Variants in NELL2 observed in about 807,000 individuals in gnomAD.
The protein encoded by NELL2 is protein kinase C-binding protein NELL2.
Under a neutral mutation model 109.6 loss-of-function variants are expected in NELL2, and 41 were observed. The observed-to-expected ratio is 0.37, with a 90% CI of 0.29 to 0.49. NELL2 has a LOEUF of 0.49. NELL2 is among the 20% of genes least tolerant of loss of function. The probability of loss-of-function intolerance (pLI) is 0.98; values close to 1 mark genes in which losing one functional copy is unlikely to be tolerated. For synonymous variants in NELL2, 355 were observed against 344.7 expected, an observed-to-expected ratio of 1.03 and a Z score of -0.33; for missense variants, 900 against 1,008.3, an observed-to-expected ratio of 0.89 and a Z score of 1.45.
chr12:44,517,034 T>C (rs1179034285), intron 19 of NELL2, among the ~76,000 whole-genome samples: 1 of 151,338 alleles, frequency 6.6e-6, no homozygotes, highest in Non-Finnish European at 1.5e-5. Context: ...TTATATTTTC[T>C]TTATTTTAAT....
rs187436354 is a variant in NELL2, at chr12:44,616,470, T to C, written c.1445-5500A>G. Among the ~76,000 whole-genome samples the C allele has an allele frequency of 5.3e-5, 8 of 152,220 alleles. No homozygotes were observed. In the East Asian group the frequency reaches 1.4e-3, roughly 26 times the overall value. On this transcript the variant is annotated intron_variant, in intron 13 of 19. Transcript: ENST00000429094. ...GCCCTAAACATAGTGACAACCAACC[T>C]CTAGTCGTAACTATCATTTGATTCC...
At chr12:44,896,255 G>A (rs1331880829) in intron 1 of NELL2, among the ~76,000 whole-genome samples, 1 of 152,044 alleles carries the variant, frequency 6.6e-6, no homozygotes, top group African/African-American at 2.4e-5. Flanking sequence ...GCTGGTGTAA[G>A]CTAATATGAA....
intron 15 of NELL2, among the ~76,000 whole-genome samples, chr12:44,587,309 T>TATATGTATATATA (rs1565974434): frequency 1.4e-5 from 1 of 69,596 alleles, no homozygotes; most frequent in Non-Finnish European, 2.7e-5. Flanking sequence ...ATATATATAT[T>TATATGTATATATA]TTTTTTTAAA....
intron 15 of NELL2, among the ~76,000 whole-genome samples, chr12:44,600,135 T>A (rs755812274): frequency 1.8e-4 from 15 of 84,004 alleles, no homozygotes; most frequent in African/African-American, 3.9e-4. Flanking sequence ...CTAATTTATT[T>A]ATTTATTTAT....
chr12:44,711,339 T>A lies in NELL2; in HGVS notation c.1142A>T (p.Glu381Val). ...SSGCPALDCP[E>V]SHQITLSHSC... ...GTGAGACAAGGTTATCTGATGAGAC[T>A]CTGGACAATCCAAAGCTGGACAGCC... is the stretch of plus-strand genomic sequence containing the variant. The change falls in exon 11 of 20, where the codon GAG becomes GTG. Residue 381 changes from glutamate (E) to valine (V), a missense_variant. Glu to Val is a moderately radical substitution (Grantham distance 121). Coordinates refer to ENST00000429094, the MANE Select transcript of NELL2 (RefSeq NM_001145108.2). The A allele has an allele frequency of 6.2e-7, 1 of 1,612,692 alleles. No individual in the cohort carries two copies. The highest frequency in any genetic ancestry group is 1.1e-5 in the South Asian group (1 of 91,064).
At chr12:44,778,232 C>T (rs1204177019) in intron 5 of NELL2, among the ~76,000 whole-genome samples, 14 of 152,096 alleles carry the variant, frequency 9.2e-5, no homozygotes, top group Non-Finnish European at 2.1e-4. Context: ...AAAGATTTAC[C>T]AGTCAAATAC....
intron 2 of NELL2, among the ~76,000 whole-genome samples, chr12:44,835,762 T>A (rs1566499738): frequency 6.6e-6 from 1 of 152,188 alleles, no homozygotes; most frequent in Non-Finnish European, 1.5e-5. Flanking sequence ...TGGCAACACC[T>A]GACACTTTGG....
chr12:44,771,371 G>A (rs1941544518), intron 9 of NELL2, among the ~76,000 whole-genome samples: 1 of 151,768 alleles, frequency 6.6e-6, no homozygotes, highest in Admixed American at 6.6e-5. Context: ...AAAGCAGGCT[G>A]TCAAACACAG....
intron 15 of NELL2, among the ~76,000 whole-genome samples, chr12:44,549,920 G>A (rs1942961126): frequency 6.6e-6 from 1 of 151,988 alleles, no homozygotes; most frequent in Non-Finnish European, 1.5e-5. Context: ...AACCACAAAA[G>A]ACCCGGGATA....
chr12:44,575,701 T>A (rs1389796537), intron 15 of NELL2, among the ~76,000 whole-genome samples: 2 of 152,320 alleles, frequency 1.3e-5, no homozygotes, highest in Non-Finnish European at 2.9e-5. Context: ...TAGGGTTTGC[T>A]ATACAGCTAC....
chr12:44,648,026 A>G (rs902002738), intron 13 of NELL2, among the ~76,000 whole-genome samples: 1 of 152,128 alleles, frequency 6.6e-6, no homozygotes, highest in Non-Finnish European at 1.5e-5. Flanking sequence ...CTTCTGACTC[A>G]AAGTAGAAGA....
chr12:44,694,468 T>G (rs1948990778), intron 12 of NELL2, among the ~76,000 whole-genome samples: 1 of 151,166 alleles, frequency 6.6e-6, no homozygotes, highest in African/African-American at 2.4e-5. Flanking sequence ...TGTGAGCCAA[T>G]TCCTTATAAT....
At chr12:44,815,885 A>G in intron 3 of NELL2, 101 bp downstream of exon 3, 1 of 1,332,986 alleles carries the variant, frequency 7.5e-7, no homozygotes, top group Admixed American at 2.8e-5. Context: ...CCAAATCATA[A>G]AGAGATATAC....
At chr12:44,536,445 G>A (rs1299214037) in intron 15 of NELL2, among the ~76,000 whole-genome samples, 2 of 151,794 alleles carry the variant, frequency 1.3e-5, no homozygotes, top group Non-Finnish European at 2.9e-5. Flanking sequence ...CTTTCTTTAG[G>A]TTAGTTAAAA....
chr12:44,887,636 T>TTGTGTGTGTGTGTGTGTGTG (rs141640366), intron 1 of NELL2, among the ~76,000 whole-genome samples: 1 of 149,236 alleles, frequency 6.7e-6, no homozygotes, highest in African/African-American at 2.5e-5. Context: ...GGGGGGATTA[T>TTGTGTGTGTGTGTGTGTGTG]TGTGTGTGTG....
intron 13 of NELL2, among the ~76,000 whole-genome samples, chr12:44,621,564 C>A (rs560717532): frequency 2.6e-5 from 4 of 152,114 alleles, no homozygotes; most frequent in Admixed American, 6.5e-5. Context: ...ACCATTCAAA[C>A]CAAATAGGAT....
At chr12:44,849,321 A>G (rs2136773769) in intron 2 of NELL2, among the ~76,000 whole-genome samples, 1 of 152,300 alleles carries the variant, frequency 6.6e-6, no homozygotes, top group Middle Eastern at 3.4e-3. Flanking sequence ...TAATAAATGA[A>G]AAAATCCTAC....
At chr12:44,689,737 G>A (rs1157347418) in intron 12 of NELL2, among the ~76,000 whole-genome samples, 3 of 152,118 alleles carry the variant, frequency 2.0e-5, no homozygotes, top group Non-Finnish European at 4.4e-5. Flanking sequence ...AACATTTTTG[G>A]TTGTCACAGC....
intron 15 of NELL2, among the ~76,000 whole-genome samples, chr12:44,578,838 G>C (rs1412635463): frequency 2.0e-5 from 3 of 152,138 alleles, no homozygotes; most frequent in Non-Finnish European, 4.4e-5. Context: ...AATGTCTTAA[G>C]GTGATGGTCA....
Sources: allele counts gnomAD v4.1 joint callset (sites outside exome capture counted in the v4.1 genomes callset), GRCh38; gene constraint gnomAD v4.1.1; transcripts MANE v1.5; gene names NCBI Gene and HGNC (gene_info 2026-07-23, HGNC 2026-07-21).